The following COG6 variants were observed in gnomAD, a reference collection of about 807,000 sequenced individuals.
COG6 encodes the protein conserved oligomeric Golgi complex subunit 6.
Under a neutral mutation model 88.8 loss-of-function variants are expected in COG6, and 74 were observed. The observed-to-expected ratio is 0.83, with a 90% CI of 0.69 to 1.01. The LOEUF is 1.01. COG6 is among the 50% of genes least tolerant of loss of function. The probability of loss-of-function intolerance (pLI) is 0.00; values close to 1 mark genes in which losing one functional copy is unlikely to be tolerated. For synonymous variants in COG6, 286 were observed against 278.7 expected (o/e 1.03, Z -0.26); for missense variants, 800 against 797.9 (o/e 1.00, Z -0.03).
chr13:39,679,835 G>A (rs1037003513), intron 6 of COG6, 140 bp from the exon 7 acceptor site: 1 of 681,182 alleles, frequency 1.5e-6, no homozygotes, highest in East Asian at 2.7e-5. Flanking sequence ...TTATTTAATT[G>A]TAGAAAATTA....
intron 11 of COG6, among the ~76,000 whole-genome samples, chr13:39,692,274 A>G (rs1378518266): frequency 6.6e-6 from 1 of 151,888 alleles, no homozygotes; most frequent in Non-Finnish European, 1.5e-5. Flanking sequence ...CAGAACTAAT[A>G]TATTAAATTT....
At chr13:39,763,208 A>G (rs530911661) in intron 18 of COG6, among the ~76,000 whole-genome samples, 217 of 151,912 alleles carry the variant, frequency 1.4e-3, no homozygotes, top group African/African-American at 4.7e-3. Flanking sequence ...ATTTAGTAGC[A>G]ACCTTGCTAA....
chr13:39,660,207 T>G (rs1874809905), intron 2 of COG6, among the ~76,000 whole-genome samples: 1 of 152,102 alleles, frequency 6.6e-6, no homozygotes, highest in African/African-American at 2.4e-5. Context: ...ACATTAGAGA[T>G]GGACTCTTGC....
At chr13:39,788,536 A>G (rs1881845228) in exon 19 of COG6, 1 of 612,882 alleles carries the variant, frequency 1.6e-6, no homozygotes, top group Admixed American at 2.9e-5. Context: ...GGATGAACCA[A>G]ATGGAAACTC....
At chr13:39,776,111 GA>G (rs1310861621) in intron 18 of COG6, among the ~76,000 whole-genome samples, 1 of 152,090 alleles carries the variant, frequency 6.6e-6, no homozygotes, top group African/African-American at 2.4e-5. Context: ...CAAAAAGCTG[GA>G]AAAACGTAAC....
At chr13:39,786,039 C>T (rs1313429209) in intron 18 of COG6, among the ~76,000 whole-genome samples, 1 of 152,176 alleles carries the variant, frequency 6.6e-6, no homozygotes, top group Non-Finnish European at 1.5e-5. Flanking sequence ...CAACCGTATA[C>T]ATCCCTGGCT....
intron 18 of COG6, among the ~76,000 whole-genome samples, chr13:39,735,165 T>G (rs1254438968): frequency 6.6e-6 from 1 of 152,116 alleles, no homozygotes; most frequent in Non-Finnish European, 1.5e-5. Context: ...TGTTCTGTGA[T>G]TTTCACTTCC....
At chr13:39,736,558 G>A (rs1481044764) in intron 18 of COG6, among the ~76,000 whole-genome samples, 1 of 151,660 alleles carries the variant, frequency 6.6e-6, no homozygotes, top group Non-Finnish European at 1.5e-5. Context: ...AGGCATAGTG[G>A]TGCATGCCTG....
intron 18 of COG6, among the ~76,000 whole-genome samples, chr13:39,740,000 T>G (rs543233914): frequency 6.6e-6 from 1 of 152,272 alleles, no homozygotes; most frequent in Admixed American, 6.5e-5. Flanking sequence ...TAAAAGACTT[T>G]ATTATAATAG....
At chr13:39,685,277 G>A (rs1166615824) in intron 8 of COG6, among the ~76,000 whole-genome samples, 1 of 152,134 alleles carries the variant, frequency 6.6e-6, no homozygotes, top group African/African-American at 2.4e-5. Flanking sequence ...ATTGTTGGAA[G>A]AATGTCTGAT....
At chr13:39,674,838 T>C (rs1875864141) in intron 4 of COG6, among the ~76,000 whole-genome samples, 1 of 152,086 alleles carries the variant, frequency 6.6e-6, no homozygotes, top group South Asian at 2.1e-4. Context: ...AGTTATCAGA[T>C]TGAAAAACAG....
downstream of COG6, among the ~76,000 whole-genome samples, chr13:39,755,934 A>G (rs1470914115): frequency 6.6e-6 from 1 of 152,252 alleles, no homozygotes; most frequent in Non-Finnish European, 1.5e-5. Flanking sequence ...TCACTAAAAT[A>G]TAATCACAGC....
At chr13:39,748,590 G>T (rs1039389392) in intron 18 of COG6, among the ~76,000 whole-genome samples, 3 of 152,004 alleles carry the variant, frequency 2.0e-5, no homozygotes, top group Admixed American at 6.5e-5. Context: ...ACTCCAGCCT[G>T]GGTGACAAAG....
chr13:39,758,198 G>A (rs867583865), intron 18 of COG6, among the ~76,000 whole-genome samples: 1 of 128,742 alleles, frequency 7.8e-6, no homozygotes, highest in Non-Finnish European at 1.6e-5. Context: ...TCGGCCTGGC[G>A]ACAGAGCGAG....
intron 17 of COG6, among the ~76,000 whole-genome samples, chr13:39,725,526 C>G (rs923891940): frequency 2.0e-5 from 3 of 151,742 alleles, no homozygotes; most frequent in Non-Finnish European, 4.4e-5. Context: ...TAACTGAAAA[C>G]AAAAGGATAG....
At chr13:39,771,777 C>G (rs1398301051) in intron 18 of COG6, among the ~76,000 whole-genome samples, 4 of 152,134 alleles carry the variant, frequency 2.6e-5, no homozygotes, top group African/African-American at 9.7e-5. Flanking sequence ...TAAAAATGAC[C>G]ACGGGCCCTT....
intron 18 of COG6, among the ~76,000 whole-genome samples, chr13:39,777,821 C>T (rs574721090): frequency 1.3e-5 from 2 of 152,310 alleles, no homozygotes; most frequent in Admixed American, 6.5e-5. Flanking sequence ...ATGTTTGCTG[C>T]GGCCAGTGGG....
In COG6 at chr13:39,677,470, A is replaced by G. The variant is rs771200395; in HGVS notation, c.431A>G (p.Gln144Arg). The G allele has an allele frequency of 1.9e-6, 3 of 1,599,736 alleles. No homozygotes were observed. In the South Asian group the frequency reaches 3.3e-5, roughly 18 times the overall value. Residue 144 changes from glutamine (Q) to arginine (R), a missense_variant and splice_region_variant, in exon 5 of 19, where the codon CAA (glutamine) becomes CGA (arginine). Coordinates refer to ENST00000455146, the MANE Select transcript of COG6 (RefSeq NM_020751.3). ...ATTGCTTGTTTTGAAAATTACAGCCAAAAATTAGAGATAAGAGCTCAAGTT... is the reference window on the plus strand; with the variant it reads ...ATTGCTTGTTTTGAAAATTACAGCCGAAAATTAGAGATAAGAGCTCAAGTT... ...VKTTKLQSES[Q>R]KLEIRAQVAD... is the part of the protein sequence containing the mutation.
chr13:39,764,544 T>C (rs754758404), intron 18 of COG6, among the ~76,000 whole-genome samples: 9 of 152,004 alleles, frequency 5.9e-5, no homozygotes, highest in Non-Finnish European at 1.2e-4. Context: ...GGTTTAGCTA[T>C]ATCCATAAGC....
Sources: allele counts gnomAD v4.1 joint callset (sites outside exome capture counted in the v4.1 genomes callset), GRCh38; gene constraint gnomAD v4.1.1; transcripts MANE v1.5; gene names NCBI Gene and HGNC (gene_info 2026-07-23, HGNC 2026-07-21).